GSE1: variants seen among roughly 807,000 people sequenced by gnomAD.
GSE1 encodes the protein genetic suppressor element 1.
In GSE1, 32 loss-of-function variants were observed where a neutral mutation model predicts 112.6. The observed-to-expected ratio is 0.28, with a 90% CI of 0.21 to 0.38. The LOEUF is 0.38. Among genes scored for constraint, GSE1 ranks in the 10% least tolerant of loss-of-function variants. The probability of loss-of-function intolerance (pLI) is 1.00; values close to 1 mark genes in which losing one functional copy is unlikely to be tolerated. For synonymous variants in GSE1, 1,115 were observed against 735.6 expected (o/e 1.52, Z -8.35); for missense variants, 2,348 against 1,699.2 (o/e 1.38, Z -6.71).
chr16:85,302,332 G>A (rs1429483175), intron 1 of GSE1, among the ~76,000 whole-genome samples: 1 of 152,068 alleles, frequency 6.6e-6, no homozygotes, highest in Non-Finnish European at 1.5e-5. Flanking sequence ...CCTGCTAAGG[G>A]GCGACCTTAG....
At chr16:85,214,181 C>T (rs1186468789) in intron 1 of GSE1, among the ~76,000 whole-genome samples, 1 of 152,210 alleles carries the variant, frequency 6.6e-6, no homozygotes, top group African/African-American at 2.4e-5. Flanking sequence ...GCGGCCTCCG[C>T]TCACCCACGA....
At chr16:85,174,965 G>C (rs139802531) in intron 1 of GSE1, among the ~76,000 whole-genome samples, 219 of 152,344 alleles carry the variant, frequency 1.4e-3, no homozygotes, top group African/African-American at 4.4e-3. Context: ...GAGGAGGGCA[G>C]TGGAAGTTAG....
chr16:85,473,366 G>T (rs1056712192), intron 2 of GSE1, among the ~76,000 whole-genome samples: 22 of 152,172 alleles, frequency 1.4e-4, no homozygotes, highest in African/African-American at 5.3e-4. Context: ...CAGGATTTGA[G>T]GGGGTGGTTG....
At chr16:85,651,574 C>A (rs754414548) in intron 3 of GSE1, among the ~76,000 whole-genome samples, 1 of 152,200 alleles carries the variant, frequency 6.6e-6, no homozygotes, top group Non-Finnish European at 1.5e-5. Flanking sequence ...TGTGCTTTGC[C>A]GTTTGACCCG....
intron 1 of GSE1, among the ~76,000 whole-genome samples, chr16:85,231,131 A>T (rs55682914): frequency 0.2 from 23,626 of 115,592 alleles, 3,597 homozygotes; most frequent in South Asian, 0.34. Context: ...GATGGATGGA[A>T]GGATGGATGG....
intron 2 of GSE1, among the ~76,000 whole-genome samples, chr16:85,477,760 C>T (rs1203862246): frequency 6.6e-6 from 1 of 151,886 alleles, no homozygotes; most frequent in Non-Finnish European, 1.5e-5. Context: ...CGGGGTTTCA[C>T]TATGCTGGCC....
chr16:85,599,965 G>A (rs763172823), intron 1 of GSE1, among the ~76,000 whole-genome samples: 24 of 152,176 alleles, frequency 1.6e-4, no homozygotes, highest in Non-Finnish European at 3.1e-4. Flanking sequence ...ATGGGAGGGC[G>A]GCAGCTGTCC....
intron 1 of GSE1, among the ~76,000 whole-genome samples, chr16:85,587,404 A>G (rs2046757701): frequency 6.6e-6 from 1 of 152,186 alleles, no homozygotes; most frequent in African/African-American, 2.4e-5. Flanking sequence ...TACCATCTGC[A>G]TGTTCATAAA....
At chr16:85,434,996 G>C (rs569991478) in intron 2 of GSE1, among the ~76,000 whole-genome samples, 1 of 152,384 alleles carries the variant, frequency 6.6e-6, no homozygotes, top group South Asian at 2.1e-4. Flanking sequence ...AGTCACACAG[G>C]CCCCACACTC....
intron 2 of GSE1, among the ~76,000 whole-genome samples, chr16:85,648,074 T>TGTG (rs2051030738): frequency 6.7e-6 from 1 of 148,384 alleles, no homozygotes; most frequent in South Asian, 2.2e-4. Flanking sequence ...GGGCAGGGTG[T>TGTG]GTGGCCCAGC....
intron 2 of GSE1, among the ~76,000 whole-genome samples, chr16:85,548,546 T>C (rs1156693646): frequency 1.3e-5 from 2 of 152,204 alleles, no homozygotes; most frequent in Non-Finnish European, 2.9e-5. Flanking sequence ...GAATCTCCAA[T>C]TCCACACGTG....
Position 85,383,527 on chromosome 16 carries a change from GTCTCTCTC to G in GSE1, c.2464+25924_2464+25931del, listed in dbSNP as rs55919597. Reference sequence around the variant, plus strand: ...CACACACACACACACGCACACCTGCGTCTCTCTCTCTCTCTCTCTCTCTCTCTCTCTCT... The same window carrying G: ...CACACACACACACACGCACACCTGCGTCTCTCTCTCTCTCTCTCTCTCTCT... On this transcript the variant is annotated intron_variant, in intron 2 of 2. Transcript: ENST00000637419. Among the ~76,000 whole-genome samples the G allele has an allele frequency of 8.0e-3, 1,043 of 130,796 alleles. 7 individuals carry two copies. The highest frequency in any genetic ancestry group is 0.02 in the African/African-American group (784 of 38,324). 85.8% of individuals were successfully genotyped at this position (130,796 alleles called of 152,430 possible).
At chr16:85,358,066 G>A (rs1317688553) in intron 2 of GSE1, among the ~76,000 whole-genome samples, 1 of 152,152 alleles carries the variant, frequency 6.6e-6, no homozygotes. Flanking sequence ...GGGCCACGGG[G>A]AACCAGGCTG....
intron 2 of GSE1, among the ~76,000 whole-genome samples, chr16:85,524,146 AC>A (rs1486566744): frequency 6.6e-6 from 1 of 151,150 alleles, no homozygotes; most frequent in Non-Finnish European, 1.5e-5. Context: ...ACACGTTCAA[AC>A]CTCCCCGTCT....
chr16:85,201,378 C>T (rs1268176400), intron 1 of GSE1, among the ~76,000 whole-genome samples: 2 of 150,410 alleles, frequency 1.3e-5, no homozygotes, highest in Non-Finnish European at 3.0e-5. Context: ...GAACGTGAAG[C>T]CGGGCACGAT....
upstream of GSE1, among the ~76,000 whole-genome samples, chr16:85,610,949 C>T (rs994152587): frequency 2.6e-5 from 4 of 152,240 alleles, no homozygotes; most frequent in Non-Finnish European, 4.4e-5. Flanking sequence ...CCAGTGGCCA[C>T]TCCACACGTT....
chr16:85,169,610 C>G (rs2074327324), exon 1 of GSE1: 1 of 982,728 alleles, frequency 1.0e-6, no homozygotes. Context: ...GCGCCGCTCT[C>G]CTGCTTCATC....
chr16:85,216,130 C>G (rs559787975), intron 1 of GSE1, among the ~76,000 whole-genome samples: 52 of 152,344 alleles, frequency 3.4e-4, no homozygotes, highest in African/African-American at 1.1e-3. Context: ...GGGCTTCTGC[C>G]CCTTCTCTCT....
chr16:85,376,397 C>T (rs1249516923), intron 2 of GSE1, among the ~76,000 whole-genome samples: 4 of 152,250 alleles, frequency 2.6e-5, no homozygotes, highest in African/African-American at 7.2e-5. Flanking sequence ...CTTCTGCTCC[C>T]GGCCCATTAG....
Sources: gnomAD v4.1 joint callset for allele counts (sites outside exome capture counted in the v4.1 genomes callset) on GRCh38, gnomAD v4.1.1 for gene constraint, MANE v1.5 for transcripts, NCBI Gene and HGNC (gene_info 2026-07-23, HGNC 2026-07-21) for gene names.